Variants in GFI1B observed in about 807,000 individuals in gnomAD.
The protein encoded by GFI1B is growth factor independent 1B transcriptional repressor.
A neutral mutation model predicts 35.3 loss-of-function variants in GFI1B; 20 were observed. The ratio of observed to expected loss-of-function variants is 0.57; its 90% confidence interval spans 0.40 to 0.82. The LOEUF is 0.82. GFI1B is among the 40% of genes least tolerant of loss of function. The pLI, the probability that GFI1B is intolerant of heterozygous loss-of-function variation, is 0.00. For missense variants in GFI1B, 430 were observed against 446.3 expected (o/e 0.96, Z 0.33); for synonymous variants, 178 against 177.6 (o/e 1.00, Z -0.02).
intron 1 of GFI1B, among the ~76,000 whole-genome samples, chr9:132,984,339 G>T (rs181749411): frequency 6.6e-6 from 1 of 152,182 alleles, no homozygotes; most frequent in South Asian, 2.1e-4. Flanking sequence ...TGGTGAGGGA[G>T]GGGGAGGAGG....
Position 132,964,743 on chromosome 9 carries a change from CTTTTTTTTTT to C in GFI1B, c.-700-7963_-700-7954del, listed in dbSNP as rs71376675. On this transcript the variant is annotated intron_variant, in intron 1 of 10. Coordinates refer to the GFI1B transcript ENST00000339463. ...GATTATCTCAAAACAATTTTTCTTC[CTTTTTTTTTT>C]TTTTTTTTTTTTTTTTTTGATGGAG... Among the ~76,000 whole-genome samples the C allele has an allele frequency of 7.8e-3, 837 of 107,964 alleles. 10 individuals are homozygous for C. Among genetic ancestry groups the C allele is most frequent in the African/African-American group, 0.022 (636 of 28,972 alleles). The allele number at this position is 107,964 out of a possible 152,430, so 70.8% of individuals were successfully genotyped here.
intron 2 of GFI1B, among the ~76,000 whole-genome samples, chr9:132,973,559 G>A (rs1848571234): frequency 6.6e-6 from 1 of 152,220 alleles, no homozygotes; most frequent in Admixed American, 6.5e-5. Context: ...GGTCGTCACG[G>A]GTGGGCCAAA....
At chr9:132,980,895 T>C (rs1265023264) in intron 1 of GFI1B, among the ~76,000 whole-genome samples, 1 of 151,526 alleles carries the variant, frequency 6.6e-6, no homozygotes, top group Non-Finnish European at 1.5e-5. Flanking sequence ...CTAGACCACA[T>C]TTTGTTTGTT....
rs1849279204 is a variant in GFI1B at position 132,991,053 on chromosome 9, C to T, written c.*3C>T. ...AGAGCCAGCACAATCTCAAGTGAGG[C>T]TGCGCCGGCTCCCAGCTCCTGGCCA... is the stretch of plus-strand genomic sequence containing the variant. On this transcript the variant is annotated 3_prime_UTR_variant, in exon 7 of 7. Transcript: ENST00000372122. 1 of 1,612,468 alleles carries T rather than the reference C, an allele frequency of 6.2e-7. No individual in the cohort carries two copies.
chr9:132,977,150 T>A (rs1848653973), upstream of GFI1B, among the ~76,000 whole-genome samples: 1 of 151,974 alleles, frequency 6.6e-6, no homozygotes, highest in Non-Finnish European at 1.5e-5. Context: ...AGAGATGGGG[T>A]TTCTCCATGT....
intron 1 of GFI1B, among the ~76,000 whole-genome samples, chr9:132,957,487 A>G (rs1334727117): frequency 1.3e-5 from 2 of 152,210 alleles, no homozygotes; most frequent in African/African-American, 4.8e-5. Context: ...ACATACTAGC[A>G]TCTCCTCTGC....
chr9:132,981,313 C>T (rs1271572813), intron 1 of GFI1B, among the ~76,000 whole-genome samples: 1 of 152,166 alleles, frequency 6.6e-6, no homozygotes, highest in Non-Finnish European at 1.5e-5. Flanking sequence ...CTTTGAGTCT[C>T]CCCTTCCAAT....
intron 4 of GFI1B, 44 bp downstream of exon 4, chr9:132,988,512 G>C: frequency 2.5e-6 from 4 of 1,575,158 alleles, no homozygotes; most frequent in Non-Finnish European, 3.5e-6. Flanking sequence ...CCTCCTCTCC[G>C]CACTCCCTCT....
intron 1 of GFI1B, among the ~76,000 whole-genome samples, chr9:132,972,362 C>T (rs1848544634): frequency 6.6e-6 from 1 of 152,206 alleles, no homozygotes; most frequent in Non-Finnish European, 1.5e-5. Context: ...GTGGATGTTG[C>T]AGTGAGCCGA....
chr9:132,986,816 G>T lies in GFI1B; in HGVS notation c.100+38G>T, dbSNP rs377598720. 8 of 1,281,478 alleles carry T rather than the reference G, an allele frequency of 6.2e-6. No individual in the cohort carries two copies. The African/African-American group carries it at 1.2e-4, about 19-fold the overall frequency. 79.4% of individuals were successfully genotyped at this position (1,281,478 alleles called of 1,614,324 possible). A position where few individuals can be genotyped will look rare whatever the true frequency, so the allele number is the denominator to read the frequency against. Reference sequence around the variant, plus strand: ...CCGGGCTGGCGCCTGCTGCACCCACGGGGGGCTCTCTGCTCTGCGTGATGA... The same window carrying T: ...CCGGGCTGGCGCCTGCTGCACCCACTGGGGGCTCTCTGCTCTGCGTGATGA... On this transcript the variant is annotated intron_variant, in intron 2 of 6. Coordinates refer to ENST00000372122, the MANE Select transcript of GFI1B (RefSeq NM_001377304.1).
intron 1 of GFI1B, among the ~76,000 whole-genome samples, chr9:132,964,865 G>A (rs548660070): frequency 6.8e-5 from 10 of 147,870 alleles, no homozygotes; most frequent in East Asian, 2.0e-4. Flanking sequence ...TCAGCCTTCC[G>A]TGTAGCTGGG....
chr9:132,972,598 A>G (rs532220786), intron 1 of GFI1B: 2 of 152,250 alleles, frequency 1.3e-5, no homozygotes, highest in Admixed American at 6.5e-5. Context: ...TCAGTGAAAA[A>G]ATAGTTAATG....
At chr9:132,945,944 T>C (rs1024515142) in intron 1 of GFI1B, among the ~76,000 whole-genome samples, 1 of 152,058 alleles carries the variant, frequency 6.6e-6, no homozygotes, top group African/African-American at 2.4e-5. Flanking sequence ...GGGCCAGGTG[T>C]GTGAGTAGCC....
chr9:132,984,208 C>T (rs903693407), intron 1 of GFI1B, among the ~76,000 whole-genome samples: 1 of 152,202 alleles, frequency 6.6e-6, no homozygotes, highest in Non-Finnish European at 1.5e-5. Flanking sequence ...GAACCCCACA[C>T]CCCCAGTCCT....
chr9:132,958,579 G>A (rs1246985537), intron 1 of GFI1B, among the ~76,000 whole-genome samples: 7 of 152,266 alleles, frequency 4.6e-5, no homozygotes, highest in South Asian at 2.1e-4. Flanking sequence ...TAAACCATCC[G>A]TGAGAAATCT....
intron 1 of GFI1B, among the ~76,000 whole-genome samples, 169 bp downstream of exon 1, chr9:132,979,010 A>G (rs1240743557): frequency 6.6e-6 from 1 of 152,232 alleles, no homozygotes; most frequent in African/African-American, 2.4e-5. Context: ...GTGAGGACGT[A>G]GCCTCGTCTG....
intron 2 of GFI1B, among the ~76,000 whole-genome samples, chr9:132,973,040 G>A (rs139488692): frequency 0.013 from 1,931 of 152,322 alleles, 33 homozygotes; most frequent in Non-Finnish European, 0.019. Flanking sequence ...CACTTTTCTG[G>A]CACCAAGATG....
chr9:132,989,736 C>T lies in GFI1B; in HGVS notation c.649-6C>T, dbSNP rs759704658. On this transcript the variant is annotated splice_region_variant and splice_polypyrimidine_tract_variant and intron_variant, in intron 5 of 6. Coordinates refer to ENST00000372122, the MANE Select transcript of GFI1B (RefSeq NM_001377304.1). The surrounding 1 kb of genome is among the most constrained non-coding windows in gnomAD (Gnocchi z 6.2). ...TGACCCCCCGGGGCCTCATTTCCTC[C>T]GGCAGGAGCGCAGCTTCGAGTGCCG... 3.2e-5 allele frequency: 52 copies of T among 1,613,262 alleles called. No homozygotes were observed. The highest frequency in any genetic ancestry group is 1.3e-4 in the South Asian group (12 of 91,044).
rs566449742 is a variant in GFI1B at position 132,972,409 on chromosome 9, T to G, written c.-700-316T>G. ...TGCACTCCAGCCTGGGCAACAGAGC[T>G]AGACTCCGTTTCAAAAACAAACAAA... On this transcript the variant is annotated intron_variant, in intron 1 of 10. Coordinates refer to the GFI1B transcript ENST00000339463. Among the ~76,000 whole-genome samples, 1,115 of 151,020 alleles carry G rather than the reference T, an allele frequency of 7.4e-3. 14 individuals carry two copies. The highest frequency in any genetic ancestry group is 0.024 in the African/African-American group (999 of 41,096).
Sources: allele counts gnomAD v4.1 joint callset (sites outside exome capture counted in the v4.1 genomes callset), GRCh38; gene constraint gnomAD v4.1.1; non-coding constraint Gnocchi (gnomAD v3.1); transcripts MANE v1.5; gene names NCBI Gene and HGNC (gene_info 2026-07-23, HGNC 2026-07-21).